MBD5: variants seen among roughly 807,000 people sequenced by gnomAD.
The protein encoded by MBD5 is methyl-CpG binding domain protein 5.
MBD5 carries 13 observed loss-of-function variants against 117.3 expected under a neutral mutation model. The ratio of observed to expected loss-of-function variants is 0.11; its 90% confidence interval spans 0.07 to 0.18. The LOEUF is 0.18. Among genes scored for constraint, MBD5 ranks in the 10% least tolerant of loss-of-function variants. The probability of loss-of-function intolerance (pLI) is 1.00; values close to 1 mark genes in which losing one functional copy is unlikely to be tolerated. For missense variants in MBD5, 1,879 were observed against 2,093.8 expected (o/e 0.90, Z 2.00); for synonymous variants, 727 against 766.4 (o/e 0.95, Z 0.85).
chr2:148,335,049 T>C (rs1257858662), intron 3 of MBD5, among the ~76,000 whole-genome samples: 1 of 152,200 alleles, frequency 6.6e-6, no homozygotes, highest in Non-Finnish European at 1.5e-5. Context: ...GCTTAATCTC[T>C]TTTAGTTAGG....
intron 4 of MBD5, among the ~76,000 whole-genome samples, chr2:148,351,232 A>G (rs1186512979): frequency 6.6e-6 from 1 of 151,980 alleles, no homozygotes; most frequent in Admixed American, 6.6e-5. Flanking sequence ...CATCACTCCA[A>G]AAAGAAATCC....
intron 11 of MBD5, among the ~76,000 whole-genome samples, chr2:148,499,348 TA>T (rs1230868235): frequency 6.6e-6 from 1 of 152,170 alleles, no homozygotes; most frequent in Middle Eastern, 3.2e-3. Context: ...CATGAATAAG[TA>T]AACTATGAAT....
At chr2:148,229,815 G>A (rs139642761) in intron 2 of MBD5, among the ~76,000 whole-genome samples, 4 of 152,148 alleles carry the variant, frequency 2.6e-5, no homozygotes, top group African/African-American at 4.8e-5. Flanking sequence ...GGATTACCAG[G>A]CATTGACTCT....
chr2:148,185,659 T>C (rs1052068304), intron 2 of MBD5, among the ~76,000 whole-genome samples: 4 of 152,128 alleles, frequency 2.6e-5, no homozygotes, highest in Admixed American at 2.6e-4. Flanking sequence ...CCCAACACTT[T>C]GGGAGACTGA....
chr2:148,094,960 A>G (rs1696031529), intron 1 of MBD5, among the ~76,000 whole-genome samples: 1 of 152,292 alleles, frequency 6.6e-6, no homozygotes, highest in South Asian at 2.1e-4. Flanking sequence ...TGTTTTTTCT[A>G]TACTCAGTGC....
chr2:148,276,137 C>T (rs555930104), intron 3 of MBD5, among the ~76,000 whole-genome samples: 1 of 152,090 alleles, frequency 6.6e-6, no homozygotes, highest in East Asian at 1.9e-4. Context: ...CAAAGCAAGA[C>T]CCTGTCTCTA....
intron 1 of MBD5, chr2:148,028,783 G>A (rs1693966046): frequency 6.6e-6 from 1 of 152,038 alleles, no homozygotes; most frequent in African/African-American, 2.4e-5. Flanking sequence ...TCATTAATGA[G>A]TATTAAATAA....
At chr2:148,463,961 A>G in intron 7 of MBD5, 42 bp downstream of exon 7, 1 of 1,591,982 alleles carries the variant, frequency 6.3e-7, no homozygotes, top group African/African-American at 1.3e-5. Context: ...TCCTCTCCCT[A>G]GAGAAGGAGT....
At chr2:148,290,893 C>T (rs559302662) in intron 3 of MBD5, among the ~76,000 whole-genome samples, 1 of 152,090 alleles carries the variant, frequency 6.6e-6, no homozygotes, top group South Asian at 2.1e-4. Flanking sequence ...GAATTACTGA[C>T]TTATATGTTA....
intron 4 of MBD5, among the ~76,000 whole-genome samples, chr2:148,418,910 T>C (rs1053547661): frequency 2.2e-4 from 34 of 152,124 alleles, no homozygotes; most frequent in African/African-American, 8.0e-4. Flanking sequence ...AGAGCCAGAA[T>C]AGCCAAAGCA....
chr2:148,040,756 G>A (rs547109291), intron 1 of MBD5, among the ~76,000 whole-genome samples: 10 of 152,014 alleles, frequency 6.6e-5, no homozygotes, highest in Non-Finnish European at 1.0e-4. Context: ...TTTTGCGTGC[G>A]TTTTTCTCCT....
chr2:148,390,799 G>A (rs960202307), intron 4 of MBD5, among the ~76,000 whole-genome samples: 1 of 152,118 alleles, frequency 6.6e-6, no homozygotes, highest in Non-Finnish European at 1.5e-5. Flanking sequence ...GGGCTCAGGC[G>A]AACCTCCCAC....
chr2:148,263,802 T>C (rs1700789542), intron 3 of MBD5, among the ~76,000 whole-genome samples: 1 of 152,240 alleles, frequency 6.6e-6, no homozygotes, highest in Non-Finnish European at 1.5e-5. Flanking sequence ...ATGATTTAAG[T>C]TGTTTTTCAT....
At chr2:148,204,061 A>C (rs1160983045) in intron 2 of MBD5, among the ~76,000 whole-genome samples, 1 of 152,206 alleles carries the variant, frequency 6.6e-6, no homozygotes, top group East Asian at 1.9e-4. Context: ...AAAAGGAGAG[A>C]GGGAAAGAAT....
At chr2:148,103,209 G>C (rs1389839201) in intron 1 of MBD5, among the ~76,000 whole-genome samples, 1 of 152,066 alleles carries the variant, frequency 6.6e-6, no homozygotes, top group African/African-American at 2.4e-5. Flanking sequence ...CTCCAACTAC[G>C]TTGCTACTTA....
rs761857194 is a variant in MBD5 at position 148,458,712 on chromosome 2, T to C, written c.-47T>C. 8.7e-6 allele frequency: 13 copies of C among 1,498,018 alleles called. No homozygotes were observed. Among genetic ancestry groups the C allele is most frequent in the Non-Finnish European group, 1.2e-5 (13 of 1,074,540 alleles). The allele number at this position is 1,498,018 out of a possible 1,614,324, so 92.8% of individuals were successfully genotyped here. A position where few individuals can be genotyped will look rare whatever the true frequency, so the allele number is the denominator to read the frequency against. ...CATCATGCTCTGTAATATAAGGATA[T>C]CATCTTATTGCTGATATCTTTGGAG... On this transcript the variant is annotated 5_prime_UTR_variant, in exon 5 of 14. Transcript: ENST00000642680.
At chr2:148,210,584 G>A (rs1217458038) in intron 2 of MBD5, among the ~76,000 whole-genome samples, 1 of 151,508 alleles carries the variant, frequency 6.6e-6, no homozygotes, top group Non-Finnish European at 1.5e-5. Flanking sequence ...GGTAAATATT[G>A]GGAGCTGCTT....
At position 148,021,367 on chromosome 2, in the gene MBD5, C is replaced by T; in HGVS notation, c.-1242C>T. ...CTCCTACCCCCTCACCCCTCCAACT[C>T]GCCTCCCTCCCTCCACCCTCCTCCT... On this transcript the variant is annotated 5_prime_UTR_variant, in exon 1 of 14. Transcript: ENST00000642680. 1 of 437,074 alleles carries T rather than the reference C, an allele frequency of 2.3e-6. No homozygotes were observed. The highest frequency in any genetic ancestry group is 1.8e-5 in the South Asian group (1 of 56,978). The allele number at this position is 437,074 out of a possible 1,614,324, so 27.1% of individuals were successfully genotyped here.
At chr2:148,237,115 A>C (rs902968752) in intron 3 of MBD5, among the ~76,000 whole-genome samples, 1 of 152,212 alleles carries the variant, frequency 6.6e-6, no homozygotes, top group African/African-American at 2.4e-5. Context: ...GCTTTGGCTT[A>C]AATAAATGTT....
Sources: allele counts gnomAD v4.1 joint callset (sites outside exome capture counted in the v4.1 genomes callset), GRCh38; gene constraint gnomAD v4.1.1; transcripts MANE v1.5; gene names NCBI Gene and HGNC (gene_info 2026-07-23, HGNC 2026-07-21).